Variants in TRAPPC6B observed in about 807,000 individuals in gnomAD.
TRAPPC6B encodes TRAPP complex subunit 6B.
Under a neutral mutation model 24.7 loss-of-function variants are expected in TRAPPC6B, and 27 were observed. The observed-to-expected ratio is 1.09, with a 90% CI of 0.81 to 1.51. The LOEUF is 1.51. Among genes scored for constraint, TRAPPC6B ranks in the 40% most tolerant of loss-of-function variants. The pLI, the probability that TRAPPC6B is intolerant of heterozygous loss-of-function variation, is 0.00. For missense variants in TRAPPC6B, 212 were observed against 190.8 expected (o/e 1.11, Z -0.66); for synonymous variants, 80 against 66.6 (o/e 1.20, Z -0.98).
chr14:39,158,491 C>A, intron 2 of TRAPPC6B, 89 bp from the exon 3 acceptor site: 1 of 762,442 alleles, frequency 1.3e-6, no homozygotes, highest in South Asian at 1.6e-5. Flanking sequence ...AATGCCAGAA[C>A]AGCACTGAAC....
Position 39,148,766 on chromosome 14 carries a change from T to C in TRAPPC6B, c.*1584A>G. ...AATTAGGATTGCAGTCATGCATTGCTTAGCAAAGGGGATACATTCTGAGAA... is the reference window on the plus strand; with the variant it reads ...AATTAGGATTGCAGTCATGCATTGCCTAGCAAAGGGGATACATTCTGAGAA... On this transcript the variant is annotated 3_prime_UTR_variant, in exon 6 of 6. Coordinates refer to ENST00000330149, the MANE Select transcript of TRAPPC6B (RefSeq NM_001079537.2). 2.5e-6 allele frequency: 1 copy of C among 398,452 alleles called. No homozygotes were observed. The highest frequency in any genetic ancestry group is 4.4e-6 in the Non-Finnish European group (1 of 225,978). 24.7% of individuals were successfully genotyped at this position (398,452 alleles called of 1,614,324 possible).
At chr14:39,163,154 G>A (rs561527251) in intron 1 of TRAPPC6B, among the ~76,000 whole-genome samples, 6 of 150,412 alleles carry the variant, frequency 4.0e-5, no homozygotes, top group Admixed American at 6.6e-5. Flanking sequence ...GGCGGATCAC[G>A]AAGTCAGGAG....
chr14:39,169,149 T>C (rs1378641931), intron 1 of TRAPPC6B, among the ~76,000 whole-genome samples: 1 of 152,352 alleles, frequency 6.6e-6, no homozygotes, highest in East Asian at 1.9e-4. Context: ...GGCTCCTGAC[T>C]TGAGCATGAC....
In TRAPPC6B at chr14:39,159,468, A is replaced by C. The variant is rs200400841; in HGVS notation, c.149+15T>G. ...AACCTACCTGCAAGAAAATTTTCAA[A>C]TCCAACCTGCTCACCTTTCTATCAA... On this transcript the variant is annotated intron_variant, in intron 2 of 5. Coordinates refer to ENST00000330149, the MANE Select transcript of TRAPPC6B (RefSeq NM_001079537.2). 1 of 1,565,666 alleles carries C rather than the reference A, an allele frequency of 6.4e-7. No homozygotes were observed. The highest frequency in any genetic ancestry group is 8.7e-7 in the Non-Finnish European group (1 of 1,155,028).
chr14:39,159,492 A>G lies in TRAPPC6B; in HGVS notation c.140T>C (p.Leu47Ser), dbSNP rs1348999213. 2 of 1,591,958 alleles carry G rather than the reference A, an allele frequency of 1.3e-6. No individual in the cohort carries two copies. Residue 47 changes from leucine to serine, a missense_variant, in exon 2 of 6, where the codon TTG becomes TCG. Transcript: ENST00000330149. ...AATCCAACCTGCTCACCTTTCTATCAATCCTTGTCCCACTCGAAACCCCAT... is the reference window on the plus strand; with the variant it reads ...AATCCAACCTGCTCACCTTTCTATCGATCCTTGTCCCACTCGAAACCCCAT... ...ENMGFRVGQG[L>S]IERFTKDTAR...
At chr14:39,163,540 CT>C (rs2053079864) in intron 1 of TRAPPC6B, among the ~76,000 whole-genome samples, 1 of 150,822 alleles carries the variant, frequency 6.6e-6, no homozygotes, top group Non-Finnish European at 1.5e-5. Flanking sequence ...CACTTCCTTG[CT>C]TAATCTGTCT....
Position 39,148,777 on chromosome 14 carries a change from G to C in TRAPPC6B, c.*1573C>G, listed in dbSNP as rs1161998983. 1 of 398,242 alleles carries C rather than the reference G, an allele frequency of 2.5e-6. No homozygotes were observed. Among genetic ancestry groups the C allele is most frequent in the East Asian group, 3.6e-5 (1 of 28,020 alleles). The allele number at this position is 398,242 out of a possible 1,614,324, so 24.7% of individuals were successfully genotyped here. On this transcript the variant is annotated 3_prime_UTR_variant, in exon 6 of 6. Coordinates refer to ENST00000330149, the MANE Select transcript of TRAPPC6B (RefSeq NM_001079537.2). ...CAGTCATGCATTGCTTAGCAAAGGG[G>C]ATACATTCTGAGAAATGCATCATCA...
chr14:39,170,159 C>T lies in TRAPPC6B; in HGVS notation c.-64G>A. On this transcript the variant is annotated 5_prime_UTR_variant, in exon 1 of 6. Transcript: ENST00000330149. Reference sequence around the variant, plus strand: ...GTTTGAGCTGGTCTGGGGGTTCCAGCTCGCGCCTCAGCGACTTCGCCGGCG... The same window carrying T: ...GTTTGAGCTGGTCTGGGGGTTCCAGTTCGCGCCTCAGCGACTTCGCCGGCG... 1 of 1,558,366 alleles carries T rather than the reference C, an allele frequency of 6.4e-7. No individual in the cohort carries two copies. Among genetic ancestry groups the T allele is most frequent in the East Asian group, 2.2e-5 (1 of 44,562 alleles).
chr14:39,150,396 A>T lies in TRAPPC6B; in HGVS notation c.446-15T>A. 1 of 1,535,142 alleles carries T rather than the reference A, an allele frequency of 6.5e-7. No homozygotes were observed. The highest frequency in any genetic ancestry group is 8.8e-7 in the Non-Finnish European group (1 of 1,132,502). ...CTGAAATTTGCCTAAAAAAAAAAAT[A>T]CAAATAATTCTTTGATTTTAGATAC... On this transcript the variant is annotated splice_polypyrimidine_tract_variant and intron_variant, in intron 5 of 5. Transcript: ENST00000330149.
chr14:39,157,624 A>C (rs1464053310), intron 3 of TRAPPC6B: 1 of 362,966 alleles, frequency 2.8e-6, no homozygotes, highest in East Asian at 7.9e-5. Context: ...GGGGAAGGCA[A>C]GACTGGGATG....
chr14:39,153,755 G>A (rs2052943030), intron 4 of TRAPPC6B, among the ~76,000 whole-genome samples: 1 of 146,536 alleles, frequency 6.8e-6, no homozygotes, highest in Non-Finnish European at 1.5e-5. Flanking sequence ...AGGCTGGAGT[G>A]CAATGATAGC....
rs1347972322 is a variant in TRAPPC6B, at chr14:39,149,913, AAAAT to A, written c.*433_*436del. 6.5e-6 allele frequency: 1 copy of A among 153,774 alleles called. No individual in the cohort carries two copies. The highest frequency in any genetic ancestry group is 1.4e-5 in the Non-Finnish European group (1 of 69,164). 9.5% of individuals were successfully genotyped at this position (153,774 alleles called of 1,614,324 possible). A position where few individuals can be genotyped will look rare whatever the true frequency, so the allele number is the denominator to read the frequency against. ...ACATTCTTAATAAATTATAAGCAAT[AAAAT>A]AAAAAAAATTTAGTATGTTTGCTTT... On this transcript the variant is annotated 3_prime_UTR_variant, in exon 6 of 6. Transcript: ENST00000330149.
At chr14:39,156,948 T>C (rs1460915273) in intron 3 of TRAPPC6B, 1 of 157,188 alleles carries the variant, frequency 6.4e-6, no homozygotes, top group Non-Finnish European at 1.4e-5. Context: ...CCACCTCTAC[T>C]AAAAATACAA....
rs12437405 is a variant in TRAPPC6B at position 39,149,208 on chromosome 14, T to C, written c.*1142A>G. ...AAAGTACATTTTTATAGTTTTTATT[T>C]TGTGTTTTTAATATAATGTTTGGTA... On this transcript the variant is annotated 3_prime_UTR_variant, in exon 6 of 6. Coordinates refer to ENST00000330149, the MANE Select transcript of TRAPPC6B (RefSeq NM_001079537.2). 0.22 allele frequency: 33,478 copies of C among 153,292 alleles called. 4,130 individuals carry two copies. The highest frequency in any genetic ancestry group is 0.36 in the Middle Eastern group (106 of 294). The allele number at this position is 153,292 out of a possible 1,614,324, so 9.5% of individuals were successfully genotyped here.
intron 1 of TRAPPC6B, among the ~76,000 whole-genome samples, chr14:39,161,571 G>C (rs2053058998): frequency 6.6e-6 from 1 of 152,150 alleles, no homozygotes; most frequent in African/African-American, 2.4e-5. Context: ...GTATTTTACA[G>C]AATTCATATA....
At chr14:39,150,457 A>C in intron 5 of TRAPPC6B, 76 bp from the exon 6 acceptor site, 1 of 1,077,434 alleles carries the variant, frequency 9.3e-7, no homozygotes. Flanking sequence ...TTTCTGTTCC[A>C]TATAGGAAAT....
chr14:39,162,856 C>G (rs543555828), intron 1 of TRAPPC6B, among the ~76,000 whole-genome samples: 17 of 151,566 alleles, frequency 1.1e-4, no homozygotes, highest in African/African-American at 4.2e-4. Flanking sequence ...GACCCCATAC[C>G]TCTCTGGCTT....
chr14:39,158,330 A>G lies in TRAPPC6B; in HGVS notation c.222T>C (p.Thr74=), dbSNP rs2053010644. The G allele has an allele frequency of 6.2e-7, 1 of 1,603,910 alleles. No homozygotes were observed. Among genetic ancestry groups the G allele is most frequent in the Non-Finnish European group, 8.5e-7 (1 of 1,177,568 alleles). ...TGTCGATTTGTTTCTTGAATACCGT[A>G]GTCCAAAAATCTTTACAAATGAACT... ...IMKFICKDFW[T]TVFKKQIDNL... Residue 74 remains threonine (T), a synonymous_variant, in exon 3 of 6, where the codon ACT becomes ACC. Transcript: ENST00000330149.
chr14:39,162,219 G>T (rs1299712625), intron 1 of TRAPPC6B, among the ~76,000 whole-genome samples: 3 of 152,198 alleles, frequency 2.0e-5, no homozygotes, highest in African/African-American at 7.2e-5. Context: ...GCAGTGCACT[G>T]GCGAGATCAT....
Sources: allele counts gnomAD v4.1 joint callset (sites outside exome capture counted in the v4.1 genomes callset), GRCh38; gene constraint gnomAD v4.1.1; transcripts MANE v1.5; gene names NCBI Gene and HGNC (gene_info 2026-07-23, HGNC 2026-07-21).